Variants in COMMD1 observed in about 807,000 individuals in gnomAD.
COMMD1 encodes COMM domain-containing protein 1.
A neutral mutation model predicts 17.2 loss-of-function variants in COMMD1; 10 were observed. The ratio of observed to expected loss-of-function variants is 0.58; its 90% CI spans 0.36 to 0.99. The LOEUF (loss-of-function observed/expected upper bound fraction) is 0.99, where lower values mean the gene tolerates loss of function less well. COMMD1 is among the 50% of genes least tolerant of loss of function. COMMD1 has a pLI of 0.01. For missense variants in COMMD1, 270 were observed against 231.8 expected, an observed-to-expected ratio of 1.17 and a Z score of -1.07; for synonymous variants, 97 against 91.6, an observed-to-expected ratio of 1.06 and a Z score of -0.34.
At chr2:62,081,359 C>T (rs1223704493) in intron 2 of COMMD1, among the ~76,000 whole-genome samples, 1 of 151,528 alleles carries the variant, frequency 6.6e-6, no homozygotes, top group Non-Finnish European at 1.5e-5. Context: ...TCAAGCAATT[C>T]TCCTGCCTCA....
At chr2:61,919,392 T>C (rs929397809) in intron 1 of COMMD1, among the ~76,000 whole-genome samples, 2 of 152,016 alleles carry the variant, frequency 1.3e-5, no homozygotes, top group Non-Finnish European at 2.9e-5. Flanking sequence ...CGCAGCTCAC[T>C]GCAGCCTCTG....
chr2:62,133,827 CCT>C (rs982355963), intron 2 of COMMD1, among the ~76,000 whole-genome samples: 1 of 151,966 alleles, frequency 6.6e-6, no homozygotes, highest in African/African-American at 2.4e-5. Context: ...CAGTTCTCAC[CCT>C]CTCTTTTTTT....
At chr2:62,117,047 TG>T (rs1384434224) in intron 2 of COMMD1, among the ~76,000 whole-genome samples, 1 of 150,426 alleles carries the variant, frequency 6.6e-6, no homozygotes, top group Non-Finnish European at 1.5e-5. Flanking sequence ...ACAGTTCTGC[TG>T]CTGATGGTAA....
intron 1 of COMMD1, among the ~76,000 whole-genome samples, chr2:61,961,986 A>G (rs915314863): frequency 6.6e-6 from 1 of 151,928 alleles, no homozygotes; most frequent in East Asian, 1.9e-4. Flanking sequence ...GTAAATTTCT[A>G]TTTTTTTCTA....
chr2:61,959,183 A>C (rs2103689737), intron 1 of COMMD1, among the ~76,000 whole-genome samples: 1 of 152,210 alleles, frequency 6.6e-6, no homozygotes. Flanking sequence ...ACATTCTCTC[A>C]TGTGAATTGT....
At chr2:61,890,073 GGA>G (rs1669388511) in intron 1 of COMMD1, among the ~76,000 whole-genome samples, 1 of 152,142 alleles carries the variant, frequency 6.6e-6, no homozygotes, top group Non-Finnish European at 1.5e-5. Flanking sequence ...ATTTCAGTAG[GGA>G]AGTTTATGAA....
chr2:62,100,913 T>C (rs1403945351), intron 2 of COMMD1, among the ~76,000 whole-genome samples: 1 of 152,188 alleles, frequency 6.6e-6, no homozygotes, highest in African/African-American at 2.4e-5. Flanking sequence ...TTTCAAGATA[T>C]GGCAGAGAAA....
chr2:61,915,672 C>CT (rs1223983937), intron 1 of COMMD1: 3 of 452,638 alleles, frequency 6.6e-6, no homozygotes, highest in Non-Finnish European at 8.9e-6. Flanking sequence ...TTATTTTTAT[C>CT]TTTTTTTAGA....
chr2:62,006,583 A>G (rs895426509), intron 2 of COMMD1, among the ~76,000 whole-genome samples: 6 of 152,234 alleles, frequency 3.9e-5, no homozygotes, highest in African/African-American at 1.2e-4. Context: ...AAAATAAAAC[A>G]TGATTCAATT....
intron 2 of COMMD1, among the ~76,000 whole-genome samples, chr2:62,023,016 C>T (rs1019753246): frequency 2.0e-5 from 3 of 152,182 alleles, no homozygotes; most frequent in Non-Finnish European, 2.9e-5. Flanking sequence ...CACCTGAGGT[C>T]AGGAGTTCGA....
chr2:62,058,702 A>G (rs1156693107), intron 2 of COMMD1, among the ~76,000 whole-genome samples: 4 of 151,982 alleles, frequency 2.6e-5, no homozygotes, highest in African/African-American at 4.8e-5. Flanking sequence ...TCGTGCTACT[A>G]CACTCAGCCT....
chr2:62,008,795 C>T (rs1445843346), intron 2 of COMMD1, among the ~76,000 whole-genome samples: 1 of 151,960 alleles, frequency 6.6e-6, no homozygotes, highest in Non-Finnish European at 1.5e-5. Context: ...TATTTATTTA[C>T]TTACTTACAG....
At chr2:61,922,870 C>A (rs1042059872) in intron 1 of COMMD1, among the ~76,000 whole-genome samples, 1 of 152,214 alleles carries the variant, frequency 6.6e-6, no homozygotes, top group African/African-American at 2.4e-5. Context: ...TCCATAGAAC[C>A]ACCATTGACT....
intron 2 of COMMD1, among the ~76,000 whole-genome samples, chr2:62,009,906 G>A (rs1398262188): frequency 2.6e-5 from 4 of 152,074 alleles, no homozygotes; most frequent in Non-Finnish European, 2.9e-5. Flanking sequence ...AATACTTGTA[G>A]TAACTAGTGA....
At chr2:61,913,427 C>A (rs1307329567) in intron 1 of COMMD1, among the ~76,000 whole-genome samples, 1 of 150,560 alleles carries the variant, frequency 6.6e-6, no homozygotes, top group Admixed American at 6.6e-5. Context: ...CCTGTAATCC[C>A]AGCACTTTGG....
intron 2 of COMMD1, among the ~76,000 whole-genome samples, chr2:62,074,025 GTTTAT>G: frequency 6.6e-6 from 1 of 152,228 alleles, no homozygotes; most frequent in South Asian, 2.1e-4. Context: ...ATACTTTACA[GTTTAT>G]TTTTTCTCTT....
chr2:61,968,999 G>A (rs769519366), intron 1 of COMMD1: 3 of 437,896 alleles, frequency 6.9e-6, no homozygotes, highest in South Asian at 3.2e-5. Context: ...CCAGGATAGA[G>A]TGCAATGGGT....
chr2:61,897,275 C>T (rs1439062754), intron 1 of COMMD1, among the ~76,000 whole-genome samples: 2 of 152,218 alleles, frequency 1.3e-5, no homozygotes, highest in East Asian at 1.9e-4. Flanking sequence ...CAATTTACTA[C>T]TCTTTGTCCC....
intron 2 of COMMD1, among the ~76,000 whole-genome samples, chr2:62,042,424 G>T (rs1258370798): frequency 6.6e-6 from 1 of 152,188 alleles, no homozygotes; most frequent in African/African-American, 2.4e-5. Context: ...CCTCTCAATG[G>T]CACTCTCCGG....
Sources: gnomAD v4.1 joint callset for allele counts (sites outside exome capture counted in the v4.1 genomes callset) on GRCh38, gnomAD v4.1.1 for gene constraint, MANE v1.5 for transcripts, NCBI Gene and HGNC (gene_info 2026-07-23, HGNC 2026-07-21) for gene names.